BATF2: variants seen among roughly 807,000 people sequenced by gnomAD.
BATF2 encodes basic leucine zipper transcriptional factor ATF-like 2.
Under a neutral mutation model 7.3 loss-of-function variants are expected in BATF2, and 4 were observed. The observed-to-expected ratio is 0.55, with a 90% CI of 0.27 to 1.26. The LOEUF is 1.26. BATF2 is among the 50% of genes most tolerant of loss of function. BATF2 has a pLI of 0.11. For synonymous variants in BATF2, 152 were observed against 153.9 expected (o/e 0.99, Z 0.09); for missense variants, 295 against 340.5 (o/e 0.87, Z 1.05).
intron 2 of BATF2, chr11:64,990,538 T>C: frequency 9.1e-7 from 1 of 1,104,712 alleles, no homozygotes; most frequent in Non-Finnish European, 1.1e-6. Flanking sequence ...TCTGCATCCC[T>C]GAATCAGCAT....
At position 64,989,414 on chromosome 11, in the gene BATF2, G is replaced by A. The variant is rs749049969; in HGVS notation, c.540C>T (p.His180=). 1.5e-5 allele frequency: 24 copies of A among 1,597,714 alleles called. No homozygotes were observed. In the East Asian group the frequency reaches 5.1e-4, roughly 34 times the overall value. ...LSPSPLLFAS[H]TGSSLQGSSS... is the part of the protein sequence containing the mutation. ...AAGACCCCTGCAGGCTGGAACCAGT[G>A]TGCGAGGCAAACAGGAGAGGGCTGG... The change falls in exon 3 of 3, where the codon CAC becomes CAT. Residue 180 remains histidine, a synonymous_variant. Coordinates refer to ENST00000301887, the MANE Select transcript of BATF2 (RefSeq NM_138456.4). The surrounding 1 kb of genome is among the most constrained non-coding windows in gnomAD (Gnocchi z 4.3).
intron 2 of BATF2, among the ~76,000 whole-genome samples, chr11:64,991,543 A>C (rs1946077685): frequency 6.6e-6 from 1 of 152,164 alleles, no homozygotes; most frequent in Admixed American, 6.5e-5. Flanking sequence ...GAACGGAGTC[A>C]CTCACTCATT....
chr11:64,989,058 G>C lies in BATF2; in HGVS notation c.*71C>G, dbSNP rs1389055401. On this transcript the variant is annotated 3_prime_UTR_variant, in exon 3 of 3. Transcript: ENST00000301887. This position sits in a 1 kb window ranked among gnomAD's most constrained non-coding sequence, Gnocchi z 4.3. ...CGCAGGGCAGCACCCAGTAGTGAGG[G>C]AGGAGAGGCCCGTGTGCTAAGGCTG... 1.3e-6 allele frequency: 2 copies of C among 1,536,704 alleles called. No homozygotes were observed. The highest frequency in any genetic ancestry group is 1.8e-6 in the Non-Finnish European group (2 of 1,110,710).
In BATF2 at chr11:64,989,731, G is replaced by A. The variant is rs772649473; in HGVS notation, c.223C>T (p.Arg75Trp). 39 of 1,613,918 alleles carry A rather than the reference G, an allele frequency of 2.4e-5. No individual in the cohort carries two copies. Among genetic ancestry groups the A allele is most frequent in the Admixed American group, 3.3e-5 (2 of 60,000 alleles). ...AGGCGCTCATGCACGTGCAGGGTCC[G>A]GCTCCACCACGCCAGCTCGGCCTGC... ...SLQAELAWWSRTLHVHERLCP... is the reference protein window; with the variant it reads ...SLQAELAWWSWTLHVHERLCP... The change falls in exon 3 of 3, where the codon CGG becomes TGG. Residue 75 changes from arginine (R) to tryptophan (W), a missense_variant. Coordinates refer to ENST00000301887, the MANE Select transcript of BATF2 (RefSeq NM_138456.4). This position sits in a 1 kb window ranked among gnomAD's most constrained non-coding sequence, Gnocchi z 4.3.
At chr11:64,991,070 G>T (rs1371122005) in intron 2 of BATF2, among the ~76,000 whole-genome samples, 1 of 151,382 alleles carries the variant, frequency 6.6e-6, no homozygotes, top group Non-Finnish European at 1.5e-5. Flanking sequence ...GATTACAGGC[G>T]TGAGCCACCG....
Position 64,994,603 on chromosome 11 carries a change from C to T in BATF2, c.40-54G>A, listed in dbSNP as rs945782307. On this transcript the variant is annotated intron_variant, in intron 1 of 2. Coordinates refer to ENST00000301887, the MANE Select transcript of BATF2 (RefSeq NM_138456.4). ...GGGCCCAGCCAGGCCTTGTGCCCTC[C>T]GTCCTGGCCCGCCATTTGTAAAGCC... The T allele has an allele frequency of 2.3e-5, 34 of 1,484,970 alleles. No homozygotes were observed. In the Admixed American group the frequency reaches 2.8e-4, roughly 12 times the overall value. The allele number at this position is 1,484,970 out of a possible 1,614,324, so 92.0% of individuals were successfully genotyped here. A position where few individuals can be genotyped will look rare whatever the true frequency, so the allele number is the denominator to read the frequency against.
At position 64,989,281 on chromosome 11, in the gene BATF2, T is replaced by C. The variant is rs1195402326; in HGVS notation, c.673A>G (p.Asn225Asp). Residue 225 changes from asparagine to aspartate, a missense_variant, in exon 3 of 3, where the codon AAC (asparagine) becomes GAC (aspartate). By Grantham distance (23) the Asn-to-Asp change is conservative (BLOSUM62 1). Transcript: ENST00000301887. The surrounding 1 kb of genome is among the most constrained non-coding windows in gnomAD (Gnocchi z 4.3). ...GCAAGCCCCAGGGCAGAGGAAGGGT[T>C]GTCGGGAGAGGACCCCAGCTTCCCT... ...TRGKLGSSPDNPSSALGLARL... is the reference protein window; with the variant it reads ...TRGKLGSSPDDPSSALGLARL... 1 of 1,599,202 alleles carries C rather than the reference T, an allele frequency of 6.3e-7. No individual in the cohort carries two copies. Among genetic ancestry groups the C allele is most frequent in the Non-Finnish European group, 8.5e-7 (1 of 1,171,884 alleles).
At position 64,988,787 on chromosome 11, in the gene BATF2, G is replaced by A; in HGVS notation, c.*342C>T. 1 of 324,286 alleles carries A rather than the reference G, an allele frequency of 3.1e-6. No homozygotes were observed. Among genetic ancestry groups the A allele is most frequent in the Non-Finnish European group, 5.9e-6 (1 of 170,442 alleles). The allele number at this position is 324,286 out of a possible 1,614,324, so 20.1% of individuals were successfully genotyped here. A position where few individuals can be genotyped will look rare whatever the true frequency, so the allele number is the denominator to read the frequency against. ...TCAGCCCCTAGGATGCCTGGGCCAG[G>A]ACAGGAGAAGGAGGAGCAGAGGGTG... On this transcript the variant is annotated 3_prime_UTR_variant, in exon 3 of 3. Transcript: ENST00000301887.
At chr11:64,990,224 G>GTAGT in intron 2 of BATF2, 1 of 1,535,340 alleles carries the variant, frequency 6.5e-7, no homozygotes, top group Non-Finnish European at 8.7e-7. Context: ...CCAGGCCTGT[G>GTAGT]TAGTGGCTGC....
At chr11:64,996,747 C>A in intron 1 of BATF2, 129 bp downstream of exon 1, 2 of 1,114,722 alleles carry the variant, frequency 1.8e-6, no homozygotes, top group Non-Finnish European at 2.6e-6. Context: ...CATGCAGAGC[C>A]CTCTGTCACA....
intron 2 of BATF2, among the ~76,000 whole-genome samples, chr11:64,992,094 C>A (rs528213110): frequency 6.6e-6 from 1 of 152,052 alleles, no homozygotes; most frequent in Non-Finnish European, 1.5e-5. Flanking sequence ...TGCAGTGGCA[C>A]GACCTCAGCT....
chr11:64,993,295 G>T (rs1377335805), intron 2 of BATF2, among the ~76,000 whole-genome samples: 1 of 152,208 alleles, frequency 6.6e-6, no homozygotes, highest in East Asian at 1.9e-4. Context: ...AGGAGGTAGA[G>T]GTTGTAGTGA....
intron 2 of BATF2, among the ~76,000 whole-genome samples, chr11:64,993,067 C>CA (rs201919014): frequency 0.026 from 3,967 of 149,718 alleles, 169 homozygotes; most frequent in African/African-American, 0.092. Flanking sequence ...AAAATTAAAA[C>CA]AAAAGGAGGG....
At chr11:64,991,012 G>C (rs999633390) in intron 2 of BATF2, among the ~76,000 whole-genome samples, 3 of 151,886 alleles carry the variant, frequency 2.0e-5, no homozygotes, top group Non-Finnish European at 4.4e-5. Context: ...GGATGGTCTC[G>C]ATCTCCTGAC....
rs148382457 is a variant in BATF2, at chr11:64,996,350, G to A, written c.39+526C>T. On this transcript the variant is annotated intron_variant, in intron 1 of 2. Transcript: ENST00000301887. ...CAGCTTACTGCAACCTCCATCTCCC[G>A]GGTTCAAGCAACTTTCCTGCCTCAG... Among the ~76,000 whole-genome samples the A allele has an allele frequency of 7.0e-3, 1,065 of 152,128 alleles. 16 individuals carry two copies. Among genetic ancestry groups the A allele is most frequent in the African/African-American group, 0.024 (1,001 of 41,492 alleles).
At chr11:64,994,427 G>C in intron 2 of BATF2, 21 bp downstream of exon 2, 3 of 1,557,980 alleles carry the variant, frequency 1.9e-6, no homozygotes, top group Admixed American at 1.9e-5. Context: ...GACAAGGAAA[G>C]GGGTTAGGGG....
At chr11:64,993,229 G>A (rs139627231) in intron 2 of BATF2, among the ~76,000 whole-genome samples, 4,243 of 152,002 alleles carry the variant, frequency 0.028, 203 homozygotes, top group African/African-American at 0.097. Flanking sequence ...GCGTAGTGGC[G>A]CATGCCTGTA....
At chr11:64,996,502 C>G (rs544962569) in intron 1 of BATF2, among the ~76,000 whole-genome samples, 3 of 152,182 alleles carry the variant, frequency 2.0e-5, no homozygotes, top group African/African-American at 7.2e-5. Flanking sequence ...TGTTATCTGC[C>G]GGCCTCAGAC....
Position 64,989,786 on chromosome 11 carries a change from G to A in BATF2, c.168C>T (p.Asn56=), listed in dbSNP as rs779192862. 2 of 1,613,926 alleles carry A rather than the reference G, an allele frequency of 1.2e-6. No homozygotes were observed. The highest frequency in any genetic ancestry group is 1.6e-4 in the Middle Eastern group (1 of 6,062). Residue 56 remains asparagine (N), a synonymous_variant, in exon 3 of 3, where the codon AAC becomes AAT. Transcript: ENST00000301887. The surrounding 1 kb of genome is among the most constrained non-coding windows in gnomAD (Gnocchi z 4.3). ...ACTGGATCTCCTTCCGCAGGGCGAG[G>A]TTGTCTTTTTCCAGAGACTCGTGCT... ...HQQHESLEKD[N]LALRKEIQSL...
Sources: gnomAD v4.1 joint callset for allele counts (sites outside exome capture counted in the v4.1 genomes callset) on GRCh38, gnomAD v4.1.1 for gene constraint, Gnocchi (gnomAD v3.1) non-coding constraint, MANE v1.5 for transcripts, NCBI Gene and HGNC (gene_info 2026-07-23, HGNC 2026-07-21) for gene names.